The following BRINP3 variants were observed in gnomAD, a reference collection of about 807,000 sequenced individuals.
BRINP3 encodes BMP/retinoic acid inducible neural specific 3.
Under a neutral mutation model 71.0 loss-of-function variants are expected in BRINP3, and 19 were observed. The observed-to-expected ratio is 0.27, with a 90% CI of 0.19 to 0.39. BRINP3 has a LOEUF of 0.39. BRINP3 is among the 10% of genes least tolerant of loss of function. The probability of loss-of-function intolerance (pLI) is 1.00; values close to 1 mark genes in which losing one functional copy is unlikely to be tolerated. For synonymous variants in BRINP3, 380 were observed against 337.7 expected (o/e 1.13, Z -1.37); for missense variants, 959 against 940.8 (o/e 1.02, Z -0.25).
At chr1:190,123,858 C>T (rs555224976) in intron 7 of BRINP3, among the ~76,000 whole-genome samples, 1 of 152,192 alleles carries the variant, frequency 6.6e-6, no homozygotes, top group South Asian at 2.1e-4. Context: ...GCTAAATATG[C>T]TCACTTTCAC....
chr1:190,389,294 C>T (rs77210554), intron 2 of BRINP3, among the ~76,000 whole-genome samples: 2 of 151,752 alleles, frequency 1.3e-5, no homozygotes, highest in East Asian at 1.9e-4. Flanking sequence ...CCTCCATTCC[C>T]CCATTTCTTC....
Position 190,420,039 on chromosome 1 carries a change from T to C in BRINP3, c.236+34616A>G, listed in dbSNP as rs1208308531. Among the ~76,000 whole-genome samples, 9 of 152,110 alleles carry C rather than the reference T, an allele frequency of 5.9e-5. No individual in the cohort carries two copies. The South Asian group carries it at 1.5e-3, about 25-fold the overall frequency. On this transcript the variant is annotated intron_variant, in intron 2 of 7. Coordinates refer to ENST00000367462, the MANE Select transcript of BRINP3 (RefSeq NM_199051.3). ...GATTCATATTTATAACAAATCTATATATGAAACTTAAATAAGATTAAATAA... is the reference window on the plus strand; with the variant it reads ...GATTCATATTTATAACAAATCTATACATGAAACTTAAATAAGATTAAATAA...
intron 2 of BRINP3, among the ~76,000 whole-genome samples, chr1:190,449,510 A>C (rs939289457): frequency 6.6e-6 from 1 of 152,078 alleles, no homozygotes; most frequent in African/African-American, 2.4e-5. Flanking sequence ...CCCTACTATT[A>C]ACCTCATACT....
chr1:190,312,379 T>C (rs1180401524), intron 2 of BRINP3, among the ~76,000 whole-genome samples: 1 of 151,526 alleles, frequency 6.6e-6, no homozygotes, highest in Non-Finnish European at 1.5e-5. Context: ...TTTCTAACAA[T>C]ATATTTATGA....
chr1:190,272,581 T>C (rs371288259), intron 3 of BRINP3, among the ~76,000 whole-genome samples: 2 of 151,512 alleles, frequency 1.3e-5, no homozygotes, highest in African/African-American at 2.4e-5. Context: ...TAACAGTTGA[T>C]GAGGAAGTTT....
rs1670569242 is a variant in BRINP3 at position 190,381,835 on chromosome 1, C to T, written c.236+72820G>A. 2.0e-5 allele frequency among the ~76,000 whole-genome samples: 3 copies of T among 151,992 alleles called. No homozygotes were observed. In the South Asian group the frequency reaches 6.2e-4, roughly 32 times the overall value. On this transcript the variant is annotated intron_variant, in intron 2 of 7. Coordinates refer to ENST00000367462, the MANE Select transcript of BRINP3 (RefSeq NM_199051.3). ...TTATTTCCAAGACTATTTTAATATT[C>T]TTTTCTTTTTCATACAGATTACTTG...
At chr1:190,242,531 T>G (rs1659204833) in intron 4 of BRINP3, among the ~76,000 whole-genome samples, 1 of 152,246 alleles carries the variant, frequency 6.6e-6, no homozygotes, top group East Asian at 1.9e-4. Context: ...ATACCACTGT[T>G]GAATTATGCA....
chr1:190,215,473 G>A (rs1258186136), intron 6 of BRINP3, among the ~76,000 whole-genome samples: 1 of 151,824 alleles, frequency 6.6e-6, no homozygotes, highest in African/African-American at 2.4e-5. Flanking sequence ...CCTAGAAAAT[G>A]TCCTCTTTCC....
intron 1 of BRINP3, among the ~76,000 whole-genome samples, chr1:190,472,883 A>G (rs1454080704): frequency 6.6e-6 from 1 of 151,442 alleles, no homozygotes; most frequent in Admixed American, 6.6e-5. Flanking sequence ...TATTTACTTA[A>G]TTATAATGTA....
intron 7 of BRINP3, among the ~76,000 whole-genome samples, chr1:190,144,108 G>A (rs1655685699): frequency 1.3e-5 from 2 of 152,090 alleles, no homozygotes; most frequent in Non-Finnish European, 2.9e-5. Context: ...ACAATGTACA[G>A]GCATAGGAGA....
chr1:190,267,718 A>C (rs191750059), intron 3 of BRINP3, among the ~76,000 whole-genome samples: 1 of 152,070 alleles, frequency 6.6e-6, no homozygotes, highest in African/African-American at 2.4e-5. Context: ...AATTGACAGA[A>C]TAAATATATA....
chr1:190,320,241 T>A (rs1286484080), intron 2 of BRINP3, among the ~76,000 whole-genome samples: 1 of 152,012 alleles, frequency 6.6e-6, no homozygotes, highest in African/African-American at 2.4e-5. Flanking sequence ...GAAATAAATA[T>A]CATCTATGCA....
At chr1:190,270,031 G>A (rs1202104957) in intron 3 of BRINP3, among the ~76,000 whole-genome samples, 1 of 151,938 alleles carries the variant, frequency 6.6e-6, no homozygotes, top group Non-Finnish European at 1.5e-5. Context: ...GCAGCCAGAA[G>A]AAGGCAGCAA....
intron 2 of BRINP3, among the ~76,000 whole-genome samples, chr1:190,372,293 G>T (rs903812072): frequency 6.6e-6 from 1 of 152,152 alleles, no homozygotes; most frequent in African/African-American, 2.4e-5. Context: ...TCCATGGGTG[G>T]ATACCTCACT....
At chr1:190,471,719 G>C (rs1027621038) in intron 1 of BRINP3, among the ~76,000 whole-genome samples, 2 of 151,318 alleles carry the variant, frequency 1.3e-5, no homozygotes, top group African/African-American at 2.4e-5. Context: ...TAAGAGTAGA[G>C]ATCATCAGGT....
intron 4 of BRINP3, among the ~76,000 whole-genome samples, chr1:190,263,809 A>G (rs1363302044): frequency 6.6e-6 from 1 of 151,802 alleles, no homozygotes; most frequent in East Asian, 1.9e-4. Context: ...CATGGTCTCG[A>G]TCTCCCGACC....
intron 1 of BRINP3, among the ~76,000 whole-genome samples, chr1:190,476,319 G>C (rs1677502224): frequency 1.3e-5 from 2 of 151,736 alleles, no homozygotes; most frequent in East Asian, 3.9e-4. Context: ...CCAAGAAAAG[G>C]AAATGTTGTA....
In BRINP3 at chr1:190,098,055, T is replaced by C. The variant is rs1571685551; in HGVS notation, c.2264A>G (p.Asn755Ser). The C allele has an allele frequency of 1.2e-6, 2 of 1,613,648 alleles. No homozygotes were observed. Among genetic ancestry groups the C allele is most frequent in the Non-Finnish European group, 1.7e-6 (2 of 1,179,818 alleles). ...ALQAFNAKLP[N>S]TMDYDTTKLC... The stretch of plus-strand genomic sequence containing the variant: ...TTTGGTCGTGTCATAATCCATTGTG[T>C]TTGGCAATTTGGCATTAAACGCCTG... The change falls in exon 8 of 8, where the codon AAC (asparagine) becomes AGC (serine). Residue 755 changes from asparagine to serine, a missense_variant. Transcript: ENST00000367462.
chr1:190,206,626 T>A (rs1226432625), intron 6 of BRINP3, among the ~76,000 whole-genome samples: 2 of 152,082 alleles, frequency 1.3e-5, no homozygotes, highest in Non-Finnish European at 2.9e-5. Flanking sequence ...GAATCTTAGT[T>A]TGCATTGTGC....
Sources: gnomAD v4.1 joint callset for allele counts (sites outside exome capture counted in the v4.1 genomes callset) on GRCh38, gnomAD v4.1.1 for gene constraint, MANE v1.5 for transcripts, NCBI Gene and HGNC (gene_info 2026-07-23, HGNC 2026-07-21) for gene names.